The following ADCY7 variants were observed in gnomAD, a reference collection of about 807,000 sequenced individuals.
The protein encoded by ADCY7 is adenylate cyclase type 7.
In ADCY7, 72 loss-of-function variants were observed where a neutral mutation model predicts 120.6. That is an observed-to-expected ratio of 0.60 (90% CI 0.49 to 0.73). ADCY7 has a LOEUF of 0.73. Among genes scored for constraint, ADCY7 ranks in the 30% least tolerant of loss-of-function variants. The pLI is 0.00. For synonymous variants in ADCY7, 661 were observed against 628.0 expected, an observed-to-expected ratio of 1.05 and a Z score of -0.78; for missense variants, 1,227 against 1,486.0, an observed-to-expected ratio of 0.83 and a Z score of 2.87.
chr16:50,292,850 C>T (rs1215816749), intron 5 of ADCY7, 25 bp downstream of exon 5: 3 of 1,607,990 alleles, frequency 1.9e-6, no homozygotes, highest in Non-Finnish European at 2.5e-6. Context: ...CCACTCCTCA[C>T]CCTGTACACC....
intron 2 of ADCY7, 29 bp downstream of exon 2, chr16:50,288,379 G>A (rs544253864): frequency 4.1e-4 from 623 of 1,513,430 alleles, no homozygotes; most frequent in Non-Finnish European, 5.2e-4. Flanking sequence ...TGGGCTTCAC[G>A]TCTCGGCCCC....
rs778309447 is a variant in ADCY7, at chr16:50,301,094, C to A, written c.1248C>A (p.Ile416=). The change falls in exon 10 of 26, where the codon ATC becomes ATA. Residue 416 remains isoleucine (I), a synonymous_variant. Coordinates refer to ENST00000673801, the MANE Select transcript of ADCY7 (RefSeq NM_001114.5). ...GGGTCTCCCGTAGCCGGGTGCACAT[C>A]ACGGAGGCCACGCTAAAGCACCTGG... is the stretch of plus-strand genomic sequence containing the variant. ...EAAGVPGRVH[I]TEATLKHLDK... is the part of the protein sequence containing the mutation. The A allele has an allele frequency of 2.7e-5, 44 of 1,613,740 alleles. No homozygotes were observed. Among genetic ancestry groups the A allele is most frequent in the Non-Finnish European group, 3.6e-5 (42 of 1,179,864 alleles).
chr16:50,305,489 G>T lies in ADCY7; in HGVS notation c.1596-14G>T. 2.5e-6 allele frequency: 4 copies of T among 1,612,222 alleles called. No individual in the cohort carries two copies. The highest frequency in any genetic ancestry group is 3.4e-6 in the Non-Finnish European group (4 of 1,178,776). ...GGTCGCTGTGCTGATGCAGTTGTGG[G>T]TATCTGATTCCAGAAGCATGTCCCC... On this transcript the variant is annotated splice_polypyrimidine_tract_variant and intron_variant, in intron 12 of 25. Coordinates refer to ENST00000673801, the MANE Select transcript of ADCY7 (RefSeq NM_001114.5).
Position 50,285,847 on chromosome 16 carries a change from A to C in ADCY7, c.-268-2065A>C, listed in dbSNP as rs575871134. Among the ~76,000 whole-genome samples the C allele has an allele frequency of 3.3e-5, 5 of 152,350 alleles. No individual in the cohort carries two copies. In the South Asian group the frequency reaches 1.0e-3, roughly 32 times the overall value. On this transcript the variant is annotated intron_variant, in intron 1 of 25. Transcript: ENST00000673801. ...GGGGATCCCTGGGGAGAGAGAGCCC[A>C]GACTAGCACACAGGAGATATAAGGG...
upstream of ADCY7, among the ~76,000 whole-genome samples, chr16:50,265,125 C>A (rs2033163709): frequency 6.6e-6 from 1 of 152,200 alleles, no homozygotes; most frequent in Non-Finnish European, 1.5e-5. Context: ...GCATGAGCCA[C>A]CATGCCAAGC....
At chr16:50,254,378 G>A (rs1200136616) in intron 1 of ADCY7, among the ~76,000 whole-genome samples, 1 of 152,102 alleles carries the variant, frequency 6.6e-6, no homozygotes, top group Non-Finnish European at 1.5e-5. Flanking sequence ...TAAAAGATAA[G>A]ATGCTTAAAA....
intron 20 of ADCY7, 54 bp from the exon 21 acceptor site, chr16:50,311,982 A>G: frequency 6.2e-7 from 1 of 1,607,638 alleles, no homozygotes; most frequent in Non-Finnish European, 8.5e-7. Flanking sequence ...GATGCACAGC[A>G]GCACGGCTCC....
At chr16:50,260,888 G>A (rs1012825281) in intron 1 of ADCY7, among the ~76,000 whole-genome samples, 10 of 152,232 alleles carry the variant, frequency 6.6e-5, no homozygotes, top group African/African-American at 2.2e-4. Context: ...CATGATCTCA[G>A]AAGCCGCATA....
chr16:50,308,569 G>A, intron 16 of ADCY7, 98 bp from the exon 17 acceptor site: 4 of 1,553,192 alleles, frequency 2.6e-6, no homozygotes, highest in South Asian at 2.4e-5. Flanking sequence ...GAGTGCCCTG[G>A]AGGCTTCTCC....
At chr16:50,314,652 G>A (rs538170568) in intron 24 of ADCY7, 3 of 511,654 alleles carry the variant, frequency 5.9e-6, no homozygotes, top group South Asian at 2.8e-5. Flanking sequence ...CTGTAAACAG[G>A]TGACCTTAAA....
At chr16:50,313,637 A>G (rs1415266901) in intron 22 of ADCY7, 2 of 296,660 alleles carry the variant, frequency 6.7e-6, no homozygotes, top group Non-Finnish European at 1.2e-5. Flanking sequence ...AAACAGAGGA[A>G]ATCAGTTTGG....
Position 50,293,368 on chromosome 16 carries a change from G to A in ADCY7, c.702G>A (p.Leu234=), listed in dbSNP as rs2035125310. 6.2e-7 allele frequency: 1 copy of A among 1,613,216 alleles called. No individual in the cohort carries two copies. Among genetic ancestry groups the A allele is most frequent in the African/African-American group, 1.3e-5 (1 of 74,930 alleles). ...CCCACACCCAGGAGAACCTGCTGCT[G>A]TCAGTGCTTCCGGCCCACATCTCCA... ...IEKRQQENLL[L]SVLPAHISMG... The change falls in exon 6 of 26, where the codon CTG becomes CTA. Residue 234 remains leucine (L), a synonymous_variant. Transcript: ENST00000673801.
intron 14 of ADCY7, among the ~76,000 whole-genome samples, chr16:50,306,766 G>A (rs1381366583): frequency 6.6e-6 from 1 of 152,202 alleles, no homozygotes; most frequent in East Asian, 1.9e-4. Flanking sequence ...GCTGAGAATG[G>A]AAACAGGCGA....
At chr16:50,263,747 C>T (rs2033118699), upstream of ADCY7, among the ~76,000 whole-genome samples, 2 of 151,922 alleles carry the variant, frequency 1.3e-5, no homozygotes, top group African/African-American at 4.8e-5. Context: ...TCGCTCCCCA[C>T]CTGCCATTCC....
At chr16:50,309,440 A>T in intron 17 of ADCY7, 108 bp from the exon 18 acceptor site, 1 of 868,100 alleles carries the variant, frequency 1.2e-6, no homozygotes, top group Non-Finnish European at 1.8e-6. Flanking sequence ...CCAACGTGAA[A>T]CCTCAGGCTG....
In ADCY7 at chr16:50,307,083, G is replaced by A. The variant is rs1333841830; in HGVS notation, c.1786G>A (p.Asp596Asn). Residue 596 changes from aspartate (D) to asparagine (N), a missense_variant, in exon 15 of 26, where the codon GAC becomes AAC. Around this residue, in one of 5 missense-constraint regions of ADCY7, gnomAD observed 332 missense variants for 455.8 expected, o/e 0.73. Transcript: ENST00000673801. ...GGCACCCATCCCCCGGGCCCGCCAC[G>A]ACTTTGCCTGCGCCAGCCTGATCTT... ...RLAPIPRARHDFACASLIFVC... is the reference protein window; with the variant it reads ...RLAPIPRARHNFACASLIFVC... 13 of 1,611,114 alleles carry A rather than the reference G, an allele frequency of 8.1e-6. No homozygotes were observed. Among genetic ancestry groups the A allele is most frequent in the East Asian group, 2.2e-5 (1 of 44,876 alleles).
intron 3 of ADCY7, among the ~76,000 whole-genome samples, chr16:50,291,016 G>A (rs1490178606): frequency 1.3e-5 from 2 of 152,172 alleles, no homozygotes; most frequent in Non-Finnish European, 2.9e-5. Context: ...CTTCGGCCCC[G>A]GGCACGCTGT....
At chr16:50,289,375 C>A (rs944859173) in intron 2 of ADCY7, 4 of 430,158 alleles carry the variant, frequency 9.3e-6, no homozygotes, top group African/African-American at 8.3e-5. Flanking sequence ...GCTGGCACCA[C>A]CTATGTCATT....
rs1567561828 is a variant in ADCY7, at chr16:50,297,228, A to G, written c.949-1676A>G. On this transcript the variant is annotated intron_variant, in intron 7 of 25. Transcript: ENST00000673801. This position sits in a 1 kb window ranked among gnomAD's most constrained non-coding sequence, Gnocchi z 4.4. Reference sequence around the variant, plus strand: ...TTTCTCCTATCAACAATCAGATTCCAGAAGTGTAAGCTCTTTCCAAGAGCC... The same window carrying G: ...TTTCTCCTATCAACAATCAGATTCCGGAAGTGTAAGCTCTTTCCAAGAGCC... Among the ~76,000 whole-genome samples, 1 of 151,506 alleles carries G rather than the reference A, an allele frequency of 6.6e-6. No homozygotes were observed. Among genetic ancestry groups the G allele is most frequent in the Admixed American group, 6.6e-5 (1 of 15,164 alleles).
Sources: gnomAD v4.1 joint callset for allele counts (sites outside exome capture counted in the v4.1 genomes callset) on GRCh38, gnomAD v4.1.1 for gene constraint, gnomAD v4.1.1 regional missense constraint, Gnocchi (gnomAD v3.1) non-coding constraint, MANE v1.5 for transcripts, NCBI Gene and HGNC (gene_info 2026-07-23, HGNC 2026-07-21) for gene names.